MTUS1: variants seen among roughly 807,000 people sequenced by gnomAD.
The protein encoded by MTUS1 is microtubule associated scaffold protein 1.
In MTUS1, 109 loss-of-function variants were observed where a neutral mutation model predicts 120.8. The ratio of observed to expected loss-of-function variants is 0.90; its 90% CI spans 0.77 to 1.06. MTUS1 has a LOEUF of 1.06. Ranked by LOEUF, MTUS1 falls within the 50% of genes least tolerant of loss-of-function variation. The pLI, the probability that MTUS1 is intolerant of heterozygous loss-of-function variation, is 0.00. For synonymous variants in MTUS1, 737 were observed against 550.5 expected (o/e 1.34, Z -4.74); for missense variants, 2,210 against 1,486.3 (o/e 1.49, Z -8.01).
intron 1 of MTUS1, among the ~76,000 whole-genome samples, chr8:17,787,420 T>C (rs576855165): frequency 2.6e-5 from 4 of 152,288 alleles, no homozygotes; most frequent in East Asian, 1.9e-4. Flanking sequence ...AGTTAATAAA[T>C]AGCAGCAATG....
intron 8 of MTUS1, among the ~76,000 whole-genome samples, chr8:17,668,143 C>T (rs11203887): frequency 0.53 from 80,413 of 152,100 alleles, 22,260 homozygotes; most frequent in Middle Eastern, 0.7. Context: ...TCACAGCCTG[C>T]ACGTGGCCCA....
chr8:17,702,946 G>A (rs1003944656), intron 6 of MTUS1, among the ~76,000 whole-genome samples: 11 of 152,254 alleles, frequency 7.2e-5, no homozygotes, highest in African/African-American at 1.2e-4. Context: ...AATTTCTTAC[G>A]CCTGTCCTAC....
chr8:17,699,985 G>C (rs993319525), intron 6 of MTUS1, among the ~76,000 whole-genome samples: 1 of 152,128 alleles, frequency 6.6e-6, no homozygotes, highest in African/African-American at 2.4e-5. Flanking sequence ...TCTGTTACCA[G>C]TTAGGAACTC....
chr8:17,699,207 CT>C (rs1203279582), intron 6 of MTUS1, among the ~76,000 whole-genome samples: 7 of 151,950 alleles, frequency 4.6e-5, no homozygotes, highest in African/African-American at 1.7e-4. Context: ...CTAAATTATC[CT>C]TTTTTGTTTG....
chr8:17,751,080 G>C (rs573776510), intron 2 of MTUS1, among the ~76,000 whole-genome samples: 1 of 152,268 alleles, frequency 6.6e-6, no homozygotes, highest in African/African-American at 2.4e-5. Flanking sequence ...ACTTTGGGAG[G>C]CCAATGTGGG....
intron 1 of MTUS1, among the ~76,000 whole-genome samples, chr8:17,769,514 A>AT (rs1217789697): frequency 6.7e-6 from 1 of 150,316 alleles, no homozygotes. Context: ...CGCCCAGATA[A>AT]TTTTTTGTAT....
intron 10 of MTUS1, 151 bp from the exon 11 acceptor site, chr8:17,653,649 C>G (rs2130191332): frequency 1.6e-6 from 1 of 608,076 alleles, no homozygotes; most frequent in East Asian, 3.0e-5. Flanking sequence ...AATTGGCCAT[C>G]TGTTCTCAAA....
At chr8:17,711,438 T>A (rs981885001) in intron 6 of MTUS1, among the ~76,000 whole-genome samples, 1 of 148,874 alleles carries the variant, frequency 6.7e-6, no homozygotes, top group Admixed American at 6.8e-5. Flanking sequence ...TGAACCAACC[T>A]CTGCTAGCTT....
At chr8:17,652,669 C>G (rs1157027683) in intron 12 of MTUS1, among the ~76,000 whole-genome samples, 1 of 152,012 alleles carries the variant, frequency 6.6e-6, no homozygotes, top group African/African-American at 2.4e-5. Context: ...AATCCCATCT[C>G]TACTAAAAAT....
At chr8:17,764,192 A>G (rs1269835264) in intron 1 of MTUS1, among the ~76,000 whole-genome samples, 1 of 152,192 alleles carries the variant, frequency 6.6e-6, no homozygotes, top group African/African-American at 2.4e-5. Context: ...TGTTTTGTCA[A>G]AACAAAGATG....
chr8:17,734,832 T>C (rs2979781), intron 3 of MTUS1, among the ~76,000 whole-genome samples: 25,750 of 152,086 alleles, frequency 0.17, 2,267 homozygotes, highest in Middle Eastern at 0.2. Context: ...CCTGGCTCAT[T>C]AGGAGTCAAG....
At chr8:17,725,711 A>G (rs1342220853) in intron 3 of MTUS1, among the ~76,000 whole-genome samples, 1 of 152,244 alleles carries the variant, frequency 6.6e-6, no homozygotes, top group Non-Finnish European at 1.5e-5. Context: ...CATGCGGCCC[A>G]GCACAGCTTT....
intron 4 of MTUS1, among the ~76,000 whole-genome samples, chr8:17,718,557 G>A (rs74327930): frequency 6.6e-6 from 1 of 152,014 alleles, no homozygotes; most frequent in African/African-American, 2.4e-5. Context: ...TGCATCCTCA[G>A]AATCATCCTA....
chr8:17,665,545 G>C (rs925034530), intron 8 of MTUS1, among the ~76,000 whole-genome samples: 3 of 152,148 alleles, frequency 2.0e-5, no homozygotes, highest in African/African-American at 7.2e-5. Context: ...GTTTTGAGTA[G>C]ATATGGGGTT....
At chr8:17,757,619 C>T (rs954101157) in intron 1 of MTUS1, among the ~76,000 whole-genome samples, 2 of 152,144 alleles carry the variant, frequency 1.3e-5, no homozygotes, top group African/African-American at 2.4e-5. Flanking sequence ...CTCCACCTCC[C>T]GGTTTCAGGC....
Position 17,753,925 on chromosome 8 carries a change from C to G in MTUS1, c.1883G>C (p.Gly628Ala). ...ASSSNSACETGSVSALFQKIK... is the reference protein window; with the variant it reads ...ASSSNSACETASVSALFQKIK... ...CTTCTGAAACAACGCAGAAACGGAC[C>G]CGGTCTCGCATGCTGAGTTAGAAGA... The change falls in exon 2 of 15, where the codon GGG (glycine) becomes GCG (alanine). Residue 628 changes from glycine (G) to alanine (A), a missense_variant. Physicochemically the swap from Gly to Ala is moderately conservative, Grantham distance 60 (BLOSUM62 0). Coordinates refer to ENST00000693296, the MANE Select transcript of MTUS1 (RefSeq NM_001363059.2). 6.2e-7 allele frequency: 1 copy of G among 1,614,104 alleles called. No homozygotes were observed. The highest frequency in any genetic ancestry group is 8.5e-7 in the Non-Finnish European group (1 of 1,180,010).
chr8:17,652,728 C>T (rs1585407901), intron 12 of MTUS1, among the ~76,000 whole-genome samples: 1 of 151,410 alleles, frequency 6.6e-6, no homozygotes, highest in Admixed American at 6.6e-5. Flanking sequence ...CCCAGCTACT[C>T]GGGAGGGTGA....
chr8:17,766,405 A>G (rs905505686), intron 1 of MTUS1, among the ~76,000 whole-genome samples: 1 of 152,174 alleles, frequency 6.6e-6, no homozygotes, highest in Non-Finnish European at 1.5e-5. Context: ...ATCTCCTCCT[A>G]CTACTCAACA....
chr8:17,723,457 C>A (rs1230956871), intron 4 of MTUS1: 4 of 606,610 alleles, frequency 6.6e-6, no homozygotes, highest in East Asian at 5.8e-5. Flanking sequence ...ACTTTCGAAT[C>A]CTTCATGCAA....
Sources: allele counts gnomAD v4.1 joint callset (sites outside exome capture counted in the v4.1 genomes callset), GRCh38; gene constraint gnomAD v4.1.1; transcripts MANE v1.5; gene names NCBI Gene and HGNC (gene_info 2026-07-23, HGNC 2026-07-21).